The following SLC3A1 variants were observed in gnomAD, a reference collection of about 807,000 sequenced individuals.
The protein encoded by SLC3A1 is solute carrier family 3 member 1.
A neutral mutation model predicts 60.3 loss-of-function variants in SLC3A1; 78 were observed. The observed-to-expected ratio is 1.29, with a 90% CI of 1.08 to 1.56. SLC3A1 has a LOEUF of 1.56. SLC3A1 is among the 40% of genes most tolerant of loss of function. The pLI is 0.00. For synonymous variants in SLC3A1, 392 were observed against 307.9 expected (o/e 1.27, Z -2.86); for missense variants, 1,172 against 858.9 (o/e 1.36, Z -4.56).
At chr2:44,291,004 C>T (rs184129397) in intron 4 of SLC3A1, among the ~76,000 whole-genome samples, 79 of 152,176 alleles carry the variant, frequency 5.2e-4, no homozygotes, top group East Asian at 1.5e-3. Context: ...GCCTAATTTA[C>T]GAGGTTTTGT....
At position 44,298,370 on chromosome 2, in the gene SLC3A1, A is replaced by G. The variant is rs147430318; in HGVS notation, c.892-1601A>G. 9.2e-3 allele frequency among the ~76,000 whole-genome samples: 1,379 copies of G among 149,118 alleles called. 25 individuals carry two copies. The highest frequency in any genetic ancestry group is 0.086 in the South Asian group (413 of 4,800). ...CTCTGGCCACACTGGCCACCCCCCT[A>G]TCCCTGCCACTGCCTTTTTTTTTCT... On this transcript the variant is annotated intron_variant, in intron 4 of 9. Transcript: ENST00000260649.
In SLC3A1 at chr2:44,280,890, A is replaced by T. The variant is rs769309928; in HGVS notation, c.605A>T (p.Asp202Val). The part of the protein sequence containing the change: ...DFENLVAAIH[D>V]KGLKLIIDFI... ...GAGAATCTGGTTGCAGCCATACATGATAAAGGTAAGTTGAATGGAAAGTGG... is the reference window on the plus strand; with the variant it reads ...GAGAATCTGGTTGCAGCCATACATGTTAAAGGTAAGTTGAATGGAAAGTGG... The change falls in exon 2 of 10, where the codon GAT (aspartate) becomes GTT (valine). Residue 202 changes from aspartate to valine, a missense_variant. Physicochemically the swap from Asp to Val is radical, Grantham distance 152 (BLOSUM62 -3). Transcript: ENST00000260649. 3.7e-6 allele frequency: 6 copies of T among 1,613,930 alleles called. No homozygotes were observed. In the South Asian group the frequency reaches 4.4e-5, roughly 12 times the overall value.
chr2:44,303,056 C>T lies in SLC3A1; in HGVS notation c.1137-1087C>T, dbSNP rs191218660. ...TCTACTAAAAACACAAAAAAATTAG[C>T]TGGGCGTGGTGGCGGGTGCCTGTAA... On this transcript the variant is annotated intron_variant, in intron 6 of 9. Transcript: ENST00000260649. Among the ~76,000 whole-genome samples, 24 of 151,710 alleles carry T rather than the reference C, an allele frequency of 1.6e-4. No homozygotes were observed. In the East Asian group the frequency reaches 4.2e-3, roughly 26 times the overall value.
intron 9 of SLC3A1, among the ~76,000 whole-genome samples, chr2:44,316,001 G>GGT (rs1270319965): frequency 4.6e-5 from 7 of 152,110 alleles, no homozygotes; most frequent in Non-Finnish European, 1.0e-4. Flanking sequence ...GGAGAAAAAA[G>GGT]GTGGGAATCT....
chr2:44,309,452 C>T (rs898465235), intron 7 of SLC3A1, among the ~76,000 whole-genome samples: 8 of 152,182 alleles, frequency 5.3e-5, no homozygotes, highest in Admixed American at 1.3e-4. Flanking sequence ...GTTATCTATT[C>T]ATCTGTTGGT....
chr2:44,276,799 A>G (rs1469442696), intron 1 of SLC3A1, among the ~76,000 whole-genome samples: 1 of 152,252 alleles, frequency 6.6e-6, no homozygotes, highest in East Asian at 1.9e-4. Flanking sequence ...TGCTCAAACC[A>G]GAACATACTT....
At position 44,321,418 on chromosome 2, in the gene SLC3A1, C is replaced by G; in HGVS notation, c.*779C>G. 1 of 1,612,700 alleles carries G rather than the reference C, an allele frequency of 6.2e-7. No individual in the cohort carries two copies. The highest frequency in any genetic ancestry group is 8.5e-7 in the Non-Finnish European group (1 of 1,179,108). ...CTGGTGCTGTCAAGTCCAAGTTCCT[C>G]GTACAGGAATTTAATTTGGGCTGTA... On this transcript the variant is annotated 3_prime_UTR_variant, in exon 10 of 10. Coordinates refer to ENST00000260649, the MANE Select transcript of SLC3A1 (RefSeq NM_000341.4).
At chr2:44,284,437 C>CA (rs1314395912) in intron 3 of SLC3A1, among the ~76,000 whole-genome samples, 1 of 152,154 alleles carries the variant, frequency 6.6e-6, no homozygotes, top group Non-Finnish European at 1.5e-5. Context: ...ATCGCATGCT[C>CA]AGCTCTACAG....
At chr2:44,292,991 T>A (rs895915520) in intron 4 of SLC3A1, among the ~76,000 whole-genome samples, 4 of 152,082 alleles carry the variant, frequency 2.6e-5, no homozygotes, top group Non-Finnish European at 4.4e-5. Flanking sequence ...GGTGCAGTAA[T>A]CGGGAAAGAA....
At chr2:44,278,388 C>T (rs908893832) in intron 1 of SLC3A1, among the ~76,000 whole-genome samples, 4 of 151,994 alleles carry the variant, frequency 2.6e-5, no homozygotes, top group African/African-American at 7.3e-5. Flanking sequence ...GCGGAGGTTG[C>T]AGTGAGCTAA....
intron 1 of SLC3A1, among the ~76,000 whole-genome samples, chr2:44,277,348 T>G (rs1671372177): frequency 2.0e-5 from 3 of 152,016 alleles, no homozygotes; most frequent in African/African-American, 7.2e-5. Flanking sequence ...CTCAGGTGAT[T>G]TGCCCCCCCT....
chr2:44,301,179 C>T (rs1262598151), intron 6 of SLC3A1, 52 bp downstream of exon 6: 2 of 1,607,900 alleles, frequency 1.2e-6, no homozygotes, highest in Admixed American at 1.7e-5. Context: ...GTGTGATCTG[C>T]AGTGTATCCC....
At chr2:44,314,416 T>C (rs1482412125) in intron 9 of SLC3A1, 1 of 222,142 alleles carries the variant, frequency 4.5e-6, no homozygotes, top group African/African-American at 2.3e-5. Flanking sequence ...TTAAAGTGGT[T>C]GCTCTGGCAT....
At chr2:44,294,995 C>T (rs1470188698) in intron 4 of SLC3A1, among the ~76,000 whole-genome samples, 2 of 152,100 alleles carry the variant, frequency 1.3e-5, no homozygotes, top group East Asian at 1.9e-4. Context: ...CCTCCCACCT[C>T]GGTCTCTGAA....
intron 7 of SLC3A1, among the ~76,000 whole-genome samples, chr2:44,308,397 T>C (rs1672210152): frequency 6.6e-6 from 1 of 152,248 alleles, no homozygotes; most frequent in Non-Finnish European, 1.5e-5. Context: ...GGGATTTTGA[T>C]AGGGATTGCA....
intron 1 of SLC3A1, among the ~76,000 whole-genome samples, chr2:44,277,271 C>T (rs1671370203): frequency 6.6e-6 from 1 of 151,910 alleles, no homozygotes; most frequent in Admixed American, 6.6e-5. Context: ...TCATGCCTGG[C>T]TAATTTTGTA....
chr2:44,313,671 G>A (rs537583800), intron 8 of SLC3A1, among the ~76,000 whole-genome samples, 164 bp from the exon 9 acceptor site: 5 of 152,184 alleles, frequency 3.3e-5, no homozygotes, highest in African/African-American at 1.2e-4. Context: ...GGGTGAAACT[G>A]GTTTATGTAC....
rs377687338 is a variant in SLC3A1, at chr2:44,304,113, G to T, written c.1137-30G>T. On this transcript the variant is annotated intron_variant, in intron 6 of 9. Coordinates refer to ENST00000260649, the MANE Select transcript of SLC3A1 (RefSeq NM_000341.4). Reference sequence around the variant, plus strand: ...CCTTCCCAGTCTTCTGACAGGCCCCGATGACACTGAACCTTGTCAACTCTT... The same window carrying T: ...CCTTCCCAGTCTTCTGACAGGCCCCTATGACACTGAACCTTGTCAACTCTT... The T allele has an allele frequency of 3.8e-6, 6 of 1,591,946 alleles. No homozygotes were observed. The South Asian group carries it at 6.6e-5, about 18-fold the overall frequency.
At chr2:44,285,892 C>G (rs1395979550) in intron 3 of SLC3A1, 140 bp from the exon 4 acceptor site, 1 of 1,122,476 alleles carries the variant, frequency 8.9e-7, no homozygotes, top group East Asian at 2.4e-5. Context: ...GAAGGGGTTT[C>G]TTTAACCTGC....
Sources: gnomAD v4.1 joint callset for allele counts (sites outside exome capture counted in the v4.1 genomes callset) on GRCh38, gnomAD v4.1.1 for gene constraint, MANE v1.5 for transcripts, NCBI Gene and HGNC (gene_info 2026-07-23, HGNC 2026-07-21) for gene names.